The following COL21A1 variants were observed in gnomAD, a reference collection of about 807,000 sequenced individuals.
COL21A1 encodes collagen alpha-1(XXI) chain.
COL21A1 carries 149 observed loss-of-function variants against 137.9 expected under a neutral mutation model. The ratio of observed to expected loss-of-function variants is 1.08; its 90% CI spans 0.95 to 1.24. The LOEUF is 1.24. Among genes scored for constraint, COL21A1 ranks in the 50% most tolerant of loss-of-function variants. COL21A1 has a pLI of 0.00. For missense variants in COL21A1, 1,167 were observed against 1,158.4 expected, an observed-to-expected ratio of 1.01 and a Z score of -0.11; for synonymous variants, 456 against 391.5, an observed-to-expected ratio of 1.16 and a Z score of -1.95.
chr6:56,286,593 G>A (rs1294377637), intron 1 of COL21A1, among the ~76,000 whole-genome samples: 1 of 152,212 alleles, frequency 6.6e-6, no homozygotes, highest in Non-Finnish European at 1.5e-5. Flanking sequence ...CACGTAGTAA[G>A]TACTGAACAA....
chr6:56,277,952 T>C lies in COL21A1; in HGVS notation c.-38-95296A>G, dbSNP rs1763706481. On this transcript the variant is annotated intron_variant, in intron 1 of 28. Coordinates refer to the COL21A1 transcript ENST00000370819. ...TTGTTAATTCTCATATGTTTTTATA[T>C]AATTTTGGTCAACATTAAAGACTCC... is the stretch of plus-strand genomic sequence containing the variant. Among the ~76,000 whole-genome samples, 6 of 152,366 alleles carry C rather than the reference T, an allele frequency of 3.9e-5. No homozygotes were observed. In the South Asian group the frequency reaches 1.0e-3, roughly 26 times the overall value.
intron 1 of COL21A1, among the ~76,000 whole-genome samples, chr6:56,370,080 T>G (rs1766196609): frequency 6.6e-6 from 1 of 152,234 alleles, no homozygotes; most frequent in African/African-American, 2.4e-5. Context: ...GGTGAGATTT[T>G]AGGCTACTTT....
intron 1 of COL21A1, among the ~76,000 whole-genome samples, chr6:56,392,328 T>C (rs756930961): frequency 3.3e-5 from 5 of 152,242 alleles, no homozygotes; most frequent in South Asian, 4.1e-4. Flanking sequence ...GAAATGGGTA[T>C]AGAAGGAACA....
intron 1 of COL21A1, among the ~76,000 whole-genome samples, chr6:56,353,770 A>G (rs1765770132): frequency 6.6e-6 from 1 of 152,208 alleles, no homozygotes; most frequent in Non-Finnish European, 1.5e-5. Flanking sequence ...AATCATCAGG[A>G]AAAACAAAAA....
At chr6:56,359,457 G>A (rs1765916176) in intron 1 of COL21A1, among the ~76,000 whole-genome samples, 1 of 152,152 alleles carries the variant, frequency 6.6e-6, no homozygotes, top group Admixed American at 6.5e-5. Context: ...CTTCAACTCA[G>A]TTCCCTGAAT....
intron 17 of COL21A1, among the ~76,000 whole-genome samples, chr6:56,097,824 TATAAATATATATAAATATATAA>T (rs1769527247): frequency 2.0e-5 from 1 of 51,236 alleles, no homozygotes; most frequent in African/African-American, 9.1e-5. Context: ...TATAAATACA[TATAAATATATATAAATATATAA>T]ATATATATAA....
Position 56,344,653 on chromosome 6 carries a change from G to A in COL21A1, c.-39+49318C>T, listed in dbSNP as rs534177817. On this transcript the variant is annotated intron_variant, in intron 1 of 28. Coordinates refer to the COL21A1 transcript ENST00000370819. ...ATTTCTGTCCCAGCTCAAATCTTAC[G>A]TCAAGTTATAATCACCAATGTTGGA... Among the ~76,000 whole-genome samples, 13 of 152,188 alleles carry A rather than the reference G, an allele frequency of 8.5e-5. No individual in the cohort carries two copies. The South Asian group carries it at 1.2e-3, about 15-fold the overall frequency.
intron 1 of COL21A1, among the ~76,000 whole-genome samples, chr6:56,346,797 G>A (rs895960058): frequency 1.3e-5 from 2 of 152,178 alleles, no homozygotes; most frequent in Non-Finnish European, 2.9e-5. Flanking sequence ...CGCAGAGGGA[G>A]GCATTCCTAT....
At chr6:56,241,371 A>T (rs986188647) in intron 1 of COL21A1, among the ~76,000 whole-genome samples, 2 of 152,208 alleles carry the variant, frequency 1.3e-5, no homozygotes, top group Admixed American at 1.3e-4. Flanking sequence ...CTCCAGAAAC[A>T]TGAGAAATAA....
At chr6:56,346,472 T>C (rs562491093) in intron 1 of COL21A1, among the ~76,000 whole-genome samples, 4 of 152,332 alleles carry the variant, frequency 2.6e-5, no homozygotes, top group African/African-American at 7.2e-5. Context: ...AGCTACTTTA[T>C]GTGAAATAGT....
chr6:56,122,816 T>C (rs1772670680), intron 16 of COL21A1, among the ~76,000 whole-genome samples: 1 of 152,206 alleles, frequency 6.6e-6, no homozygotes, highest in South Asian at 2.1e-4. Flanking sequence ...CTGGGTGATT[T>C]GTCTTACTCA....
chr6:56,074,295 TA>T lies in COL21A1; in HGVS notation c.1912-11del. On this transcript the variant is annotated splice_polypyrimidine_tract_variant and intron_variant, in intron 19 of 29. Transcript: ENST00000244728. ...TGCTTCCCATTAAACCCTACAATTT[TA>T]AAAAGGAATTTCAAGAGTAACTTAG... 6.4e-7 allele frequency: 1 copy of T among 1,563,368 alleles called. No individual in the cohort carries two copies. The highest frequency in any genetic ancestry group is 8.7e-7 in the Non-Finnish European group (1 of 1,153,910).
At chr6:56,061,119 G>A in intron 25 of COL21A1, 82 bp from the exon 26 acceptor site, 1 of 1,132,130 alleles carries the variant, frequency 8.8e-7, no homozygotes, top group Non-Finnish European at 1.2e-6. Context: ...TTAAGGATGT[G>A]AATATGCATG....
chr6:56,125,476 C>G, intron 14 of COL21A1, 91 bp downstream of exon 14: 1 of 866,398 alleles, frequency 1.2e-6, no homozygotes, highest in Non-Finnish European at 1.8e-6. Context: ...GCTAACTGTT[C>G]TAATGCTGGG....
intron 1 of COL21A1, among the ~76,000 whole-genome samples, chr6:56,339,097 G>A (rs1206292539): frequency 6.6e-6 from 1 of 152,128 alleles, no homozygotes; most frequent in Non-Finnish European, 1.5e-5. Flanking sequence ...GATGGAAACT[G>A]GACTTAGAAA....
chr6:56,262,182 A>G (rs899806179), intron 1 of COL21A1, among the ~76,000 whole-genome samples: 2 of 152,168 alleles, frequency 1.3e-5, no homozygotes, highest in Admixed American at 6.5e-5. Flanking sequence ...GTCCCACCCT[A>G]AATCCCACAT....
chr6:56,369,185 T>C (rs1439316057), intron 1 of COL21A1, among the ~76,000 whole-genome samples: 3 of 152,060 alleles, frequency 2.0e-5, no homozygotes, highest in African/African-American at 4.8e-5. Context: ...ATTTTAATCA[T>C]TGGTGGCTTT....
Position 56,098,729 on chromosome 6 carries a change from A to T in COL21A1, c.1812+2743T>A, listed in dbSNP as rs1447256546. Among the ~76,000 whole-genome samples the T allele has an allele frequency of 6.9e-4, 82 of 119,258 alleles. 4 individuals carry two copies. The highest frequency in any genetic ancestry group is 2.4e-3 in the African/African-American group (75 of 30,948). The allele number at this position is 119,258 out of a possible 152,430, so 78.2% of individuals were successfully genotyped here. ...TATAAATATATATAAATATATATATATTTTGAGACGGGGTCTTGCTCTGTC... is the reference window on the plus strand; with the variant it reads ...TATAAATATATATAAATATATATATTTTTTGAGACGGGGTCTTGCTCTGTC... On this transcript the variant is annotated intron_variant, in intron 17 of 29. Coordinates refer to ENST00000244728, the MANE Select transcript of COL21A1 (RefSeq NM_030820.4).
intron 16 of COL21A1, among the ~76,000 whole-genome samples, chr6:56,121,429 G>A (rs1561886538): frequency 6.7e-6 from 1 of 150,246 alleles, no homozygotes; most frequent in African/African-American, 2.4e-5. Context: ...TTAAGGGAGT[G>A]AAACTATTCT....
Sources: gnomAD v4.1 joint callset for allele counts (sites outside exome capture counted in the v4.1 genomes callset) on GRCh38, gnomAD v4.1.1 for gene constraint, MANE v1.5 for transcripts, NCBI Gene and HGNC (gene_info 2026-07-23, HGNC 2026-07-21) for gene names.